Variants in NTRK2 observed in about 807,000 individuals in gnomAD.
NTRK2 encodes BDNF/NT-3 growth factors receptor.
A neutral mutation model predicts 94.5 loss-of-function variants in NTRK2; 13 were observed. The ratio of observed to expected loss-of-function variants is 0.14; its 90% confidence interval spans 0.09 to 0.22. NTRK2 has a LOEUF of 0.22. Among genes scored for constraint, NTRK2 ranks in the 10% least tolerant of loss-of-function variants. NTRK2 has a pLI of 1.00. For missense variants in NTRK2, 639 were observed against 1,071.2 expected (o/e 0.60, Z 5.63); for synonymous variants, 372 against 407.4 (o/e 0.91, Z 1.05).
rs1174547055 is a variant in NTRK2 at position 84,891,556 on chromosome 9, T to C, written c.1633+24125T>C. Reference sequence around the variant, plus strand: ...GGTTTTGCTTACCTTGGCACACTACTGTGGACATGCCACTAGGGAAGTAAG... The same window carrying C: ...GGTTTTGCTTACCTTGGCACACTACCGTGGACATGCCACTAGGGAAGTAAG... On this transcript the variant is annotated intron_variant, in intron 14 of 18. Transcript: ENST00000277120. 2.0e-5 allele frequency among the ~76,000 whole-genome samples: 3 copies of C among 152,214 alleles called. No individual in the cohort carries two copies. In the East Asian group the frequency reaches 5.8e-4, roughly 29 times the overall value.
rs114406839 is a variant in NTRK2, at chr9:84,959,669, C to T, written c.2172+4152C>T. The stretch of plus-strand genomic sequence containing the variant: ...CCAACATGGCGGGTCCAAAATTACT[C>T]TAGCATTTATGTTCTCTGAATTGTT... On this transcript the variant is annotated intron_variant, in intron 17 of 18. Transcript: ENST00000277120. 7.8e-3 allele frequency among the ~76,000 whole-genome samples: 1,181 copies of T among 152,334 alleles called. 21 individuals carry two copies. The highest frequency in any genetic ancestry group is 0.027 in the African/African-American group (1,124 of 41,584).
At chr9:84,819,804 TTGGTAA>T (rs2072670178) in intron 12 of NTRK2, among the ~76,000 whole-genome samples, 1 of 152,142 alleles carries the variant, frequency 6.6e-6, no homozygotes, top group Non-Finnish European at 1.5e-5. Context: ...ATCCCTGGAG[TTGGTAA>T]GGGCTTCCCA....
At chr9:84,687,057 T>G (rs1620863) in intron 2 of NTRK2, among the ~76,000 whole-genome samples, 66,601 of 152,010 alleles carry the variant, frequency 0.44, 17,135 homozygotes, top group South Asian at 0.58. Flanking sequence ...AAAAAATGAA[T>G]GGGAATTATG....
chr9:84,695,333 C>T (rs533462503), intron 2 of NTRK2, among the ~76,000 whole-genome samples: 1 of 152,284 alleles, frequency 6.6e-6, no homozygotes, highest in South Asian at 2.1e-4. Context: ...TTAGATACTA[C>T]TCCTTGTTGC....
rs748028871 is a variant in NTRK2 at position 85,020,315 on chromosome 9, A to G, written c.2282A>G (p.Glu761Gly). The change falls in exon 18 of 19, where the codon GAG becomes GGG. Residue 761 changes from glutamate to glycine, a missense_variant. Physicochemically the swap from Glu to Gly is moderately conservative, Grantham distance 98 (BLOSUM62 -2). This residue lies in a region of NTRK2 where 77 missense variants were observed against 203.6 expected (regional missense o/e 0.38). Coordinates refer to ENST00000277120, the MANE Select transcript of NTRK2 (RefSeq NM_006180.6). ...TGGAGCCTGGGGGTCGTGTTGTGGG[A>G]GATTTTCACCTATGGCAAACAGCCC... The part of the protein sequence containing the change: ...DVWSLGVVLW[E>G]IFTYGKQPWY... 6.2e-7 allele frequency: 1 copy of G among 1,614,012 alleles called. No individual in the cohort carries two copies. The highest frequency in any genetic ancestry group is 8.5e-7 in the Non-Finnish European group (1 of 1,180,028).
intron 11 of NTRK2, among the ~76,000 whole-genome samples, chr9:84,745,988 C>T (rs2064033021): frequency 1.3e-5 from 2 of 152,120 alleles, no homozygotes; most frequent in Admixed American, 1.3e-4. Context: ...CTGTCATATG[C>T]ACACAGAGCT....
At chr9:84,741,953 A>G (rs1203389606) in intron 10 of NTRK2, 26 bp downstream of exon 10, 3 of 1,590,544 alleles carry the variant, frequency 1.9e-6, no homozygotes, top group Non-Finnish European at 1.7e-6. Context: ...TCTACTTTGT[A>G]TTTCTTTTTC....
At chr9:84,722,496 C>A (rs1392903703) in intron 6 of NTRK2, among the ~76,000 whole-genome samples, 1 of 151,996 alleles carries the variant, frequency 6.6e-6, no homozygotes, top group Non-Finnish European at 1.5e-5. Context: ...AAATGAATCG[C>A]CTTCTTTGAC....
intron 14 of NTRK2, among the ~76,000 whole-genome samples, chr9:84,886,872 T>C (rs1371251732): frequency 1.3e-5 from 2 of 152,194 alleles, no homozygotes; most frequent in Non-Finnish European, 2.9e-5. Flanking sequence ...TTGGGTGGTG[T>C]GTGTCTTTGA....
In NTRK2 at chr9:84,861,855, G is replaced by A. The variant is rs144309786; in HGVS notation, c.1444+768G>A. ...GGTTAGTTATTCTTTTGGTAGCAAG[G>A]TTGGCCATAGGTAAAATGGCAAAGT... On this transcript the variant is annotated intron_variant, in intron 13 of 18. Coordinates refer to ENST00000277120, the MANE Select transcript of NTRK2 (RefSeq NM_006180.6). Among the ~76,000 whole-genome samples the A allele has an allele frequency of 4.6e-3, 705 of 152,276 alleles. 11 individuals are homozygous for A. Among genetic ancestry groups the A allele is most frequent in the Admixed American group, 0.037 (573 of 15,294 alleles).
intron 12 of NTRK2, among the ~76,000 whole-genome samples, chr9:84,854,871 C>T (rs1371552874): frequency 6.8e-6 from 1 of 148,094 alleles, no homozygotes; most frequent in Non-Finnish European, 1.5e-5. Context: ...TGCTTAAACC[C>T]AGGAGGCAGA....
intron 10 of NTRK2, 141 bp downstream of exon 10, chr9:84,742,068 A>T: frequency 1.3e-6 from 1 of 744,848 alleles, no homozygotes; most frequent in Non-Finnish European, 2.2e-6. Flanking sequence ...TATTTCAAAA[A>T]ATCATTCAAT....
chr9:84,820,669 G>GA (rs995644369), intron 12 of NTRK2, among the ~76,000 whole-genome samples: 2 of 151,984 alleles, frequency 1.3e-5, no homozygotes, highest in African/African-American at 4.8e-5. Flanking sequence ...TATATTCATT[G>GA]AAAAAAATTT....
intron 9 of NTRK2, among the ~76,000 whole-genome samples, chr9:84,741,047 A>C (rs1419223998): frequency 6.6e-6 from 1 of 152,214 alleles, no homozygotes; most frequent in Non-Finnish European, 1.5e-5. Flanking sequence ...ACAAAATTTA[A>C]TTTCATTTCC....
At chr9:84,828,760 A>G (rs1485079846) in intron 12 of NTRK2, among the ~76,000 whole-genome samples, 1 of 152,202 alleles carries the variant, frequency 6.6e-6, no homozygotes, top group East Asian at 1.9e-4. Flanking sequence ...TTTAGTTATT[A>G]TATTTCCTTG....
intron 15 of NTRK2, among the ~76,000 whole-genome samples, chr9:84,945,075 G>C (rs190260965): frequency 2.6e-5 from 4 of 152,160 alleles, no homozygotes; most frequent in Admixed American, 2.6e-4. Flanking sequence ...ACTGGAAGGG[G>C]AACACAAGTT....
chr9:84,809,182 G>A (rs186942618), intron 12 of NTRK2, among the ~76,000 whole-genome samples: 1 of 151,948 alleles, frequency 6.6e-6, no homozygotes, highest in African/African-American at 2.4e-5. Context: ...GAATAGTTTG[G>A]GTGCAATGCT....
intron 14 of NTRK2, chr9:84,874,921 A>G (rs1171326226): frequency 3.8e-6 from 4 of 1,056,068 alleles, no homozygotes; most frequent in African/African-American, 3.3e-5. Flanking sequence ...TTTGCTAGTA[A>G]GATAGGATTG....
In NTRK2 at chr9:85,026,372, A is replaced by G. The variant is rs1482369485; in HGVS notation, c.*4935A>G. 3 of 231,790 alleles carry G rather than the reference A, an allele frequency of 1.3e-5. No individual in the cohort carries two copies. The highest frequency in any genetic ancestry group is 1.2e-4 in the East Asian group (2 of 16,406). 14.4% of individuals were successfully genotyped at this position (231,790 alleles called of 1,614,324 possible). Reference sequence around the variant, plus strand: ...TGAGTGGAGGTTAGCTGAACGTTCAATGTACTGGAGCAAGCATCATAAAAG... The same window carrying G: ...TGAGTGGAGGTTAGCTGAACGTTCAGTGTACTGGAGCAAGCATCATAAAAG... On this transcript the variant is annotated 3_prime_UTR_variant, in exon 19 of 19. Coordinates refer to ENST00000277120, the MANE Select transcript of NTRK2 (RefSeq NM_006180.6).
Sources: gnomAD v4.1 joint callset for allele counts (sites outside exome capture counted in the v4.1 genomes callset) on GRCh38, gnomAD v4.1.1 for gene constraint, gnomAD v4.1.1 regional missense constraint, MANE v1.5 for transcripts, NCBI Gene and HGNC (gene_info 2026-07-23, HGNC 2026-07-21) for gene names.